Variants in PCDHGA1 observed in about 807,000 individuals in gnomAD.
PCDHGA1 encodes protocadherin gamma subfamily A, 1.
A neutral mutation model predicts 58.0 loss-of-function variants in PCDHGA1; 32 were observed. That is an observed-to-expected ratio of 0.55 (90% CI 0.42 to 0.74). The LOEUF (loss-of-function observed/expected upper bound fraction) is 0.74, where lower values mean the gene tolerates loss of function less well. Ranked by LOEUF, PCDHGA1 falls within the 30% of genes least tolerant of loss-of-function variation. The pLI is 0.00. For missense variants in PCDHGA1, 1,205 were observed against 1,182.3 expected, an observed-to-expected ratio of 1.02 and a Z score of -0.28; for synonymous variants, 498 against 501.1, an observed-to-expected ratio of 0.99 and a Z score of 0.08.
At chr5:141,355,660 C>T in intron 1 of PCDHGA1, 1 of 1,614,014 alleles carries the variant, frequency 6.2e-7, no homozygotes, top group Non-Finnish European at 8.5e-7. Flanking sequence ...AAGATTTCCT[C>T]TTCCTGAAGC....
chr5:141,338,220 C>T (rs2149719779), intron 1 of PCDHGA1, among the ~76,000 whole-genome samples: 1 of 152,262 alleles, frequency 6.6e-6, no homozygotes, highest in Admixed American at 6.5e-5. Context: ...CGCTTGAGAC[C>T]AGGGCCTGTG....
chr5:141,352,090 C>T (rs565782021), intron 1 of PCDHGA1: 12 of 1,605,188 alleles, frequency 7.5e-6, no homozygotes, highest in East Asian at 6.7e-5. Flanking sequence ...CCAGCGAGCC[C>T]GGGCTCTTCA....
intron 1 of PCDHGA1, chr5:141,421,202 C>G (rs1345590720): frequency 6.6e-7 from 1 of 1,519,226 alleles, no homozygotes; most frequent in Non-Finnish European, 8.8e-7. Flanking sequence ...CTCGAGAAAC[C>G]GCGGAATATC....
intron 1 of PCDHGA1, chr5:141,383,477 A>T: frequency 6.2e-7 from 1 of 1,613,722 alleles, no homozygotes; most frequent in Non-Finnish European, 8.5e-7. Context: ...AAGTACCCGG[A>T]ACTGGTGCTG....
chr5:141,418,804 T>A, intron 1 of PCDHGA1: 2 of 1,613,836 alleles, frequency 1.2e-6, no homozygotes, highest in Non-Finnish European at 1.7e-6. Flanking sequence ...TAGAAAGATA[T>A]ACGATAAACA....
At chr5:141,350,494 C>T (rs764659811) in intron 1 of PCDHGA1, 6 of 1,613,924 alleles carry the variant, frequency 3.7e-6, no homozygotes, top group Non-Finnish European at 5.1e-6. Context: ...GTTTGGAGAG[C>T]GGGGATTTGT....
At position 141,389,543 on chromosome 5, in the gene PCDHGA1, C is replaced by A. The variant is rs550025687; in HGVS notation, c.2421+56438C>A. 5.6e-6 allele frequency: 9 copies of A among 1,613,282 alleles called. No individual in the cohort carries two copies. In the East Asian group the frequency reaches 6.7e-5, roughly 12 times the overall value. ...GCCTGCGCGTGTTAGTGGACGACCG[C>A]AACGACAATGCGCCACGGGTGCTGT... On this transcript the variant is annotated intron_variant, in intron 1 of 3. Transcript: ENST00000517417.
At chr5:141,375,882 A>G in intron 1 of PCDHGA1, 1 of 1,613,814 alleles carries the variant, frequency 6.2e-7, no homozygotes, top group Non-Finnish European at 8.5e-7. Flanking sequence ...GACTCGGGCC[A>G]GAACGCCTGG....
At chr5:141,478,845 A>G in intron 1 of PCDHGA1, 2 of 1,389,784 alleles carry the variant, frequency 1.4e-6, no homozygotes, top group Non-Finnish European at 9.5e-7. Flanking sequence ...TGGTTAAGCT[A>G]AAACACAAGA....
chr5:141,423,782 C>A (rs1458189260), intron 1 of PCDHGA1: 2 of 1,243,328 alleles, frequency 1.6e-6, no homozygotes, highest in Non-Finnish European at 1.0e-6. Context: ...ATATTTAGTT[C>A]ATATATATTT....
chr5:141,394,405 T>C, intron 1 of PCDHGA1: 2 of 1,614,222 alleles, frequency 1.2e-6, no homozygotes, highest in Non-Finnish European at 1.7e-6. Context: ...CTGCAGCTAC[T>C]GGTAACAGCC....
At chr5:141,455,244 T>A (rs977940552) in intron 1 of PCDHGA1, among the ~76,000 whole-genome samples, 4 of 152,142 alleles carry the variant, frequency 2.6e-5, no homozygotes, top group Non-Finnish European at 4.4e-5. Flanking sequence ...TTAAAGGTCA[T>A]AGTACAATCG....
chr5:141,385,518 A>G, intron 1 of PCDHGA1: 20 of 1,366,294 alleles, frequency 1.5e-5, no homozygotes, highest in East Asian at 5.4e-5. Context: ...GTGAAAGCCT[A>G]TGGACAAGAT....
At chr5:141,409,786 C>A in intron 1 of PCDHGA1, 11 of 1,612,124 alleles carry the variant, frequency 6.8e-6, no homozygotes, top group Non-Finnish European at 9.3e-6. Flanking sequence ...TGCGCGCCTT[C>A]GCGCTCACGC....
Position 141,417,931 on chromosome 5 carries a change from G to C in PCDHGA1, c.2422-76876G>C, listed in dbSNP as rs551432799. The C allele has an allele frequency of 6.2e-6, 10 of 1,611,500 alleles. No homozygotes were observed. In the South Asian group the frequency reaches 9.9e-5, roughly 16 times the overall value. On this transcript the variant is annotated intron_variant, in intron 1 of 3. Transcript: ENST00000517417. ...TACTATTTCCTTTGCTGCTGCCTTT[G>C]TTCTACCCCACGCTGTGTGAGCCGA...
chr5:141,392,416 T>C (rs576614359), intron 1 of PCDHGA1: 1 of 157,618 alleles, frequency 6.3e-6, no homozygotes, highest in African/African-American at 2.4e-5. Flanking sequence ...AAAACCTTCA[T>C]CTCACATTCT....
chr5:141,432,539 G>A lies in PCDHGA1; in HGVS notation c.2422-62268G>A. 2.5e-6 allele frequency: 4 copies of A among 1,614,038 alleles called. No individual in the cohort carries two copies. Among genetic ancestry groups the A allele is most frequent in the Non-Finnish European group, 3.4e-6 (4 of 1,180,022 alleles). ...CTACCTGGTGACCAAGGTGGTGGCG[G>A]TGGACAGAGACTCCGGCCAGAACGC... On this transcript the variant is annotated intron_variant, in intron 1 of 3. Transcript: ENST00000517417. The surrounding 1 kb of genome is among the most constrained non-coding windows in gnomAD (Gnocchi z 6.0).
chr5:141,361,410 C>G (rs759239364), intron 1 of PCDHGA1: 5 of 1,614,054 alleles, frequency 3.1e-6, no homozygotes, highest in Non-Finnish European at 2.5e-6. Context: ...TCACAGCCAC[C>G]GACGGGGGCA....
intron 1 of PCDHGA1, among the ~76,000 whole-genome samples, chr5:141,353,692 T>C (rs1759355773): frequency 6.6e-6 from 1 of 152,252 alleles, no homozygotes. Context: ...TAAAGCGTTT[T>C]CCATACTTCT....
Sources: allele counts gnomAD v4.1 joint callset (sites outside exome capture counted in the v4.1 genomes callset), GRCh38; gene constraint gnomAD v4.1.1; non-coding constraint Gnocchi (gnomAD v3.1); transcripts MANE v1.5; gene names NCBI Gene and HGNC (gene_info 2026-07-23, HGNC 2026-07-21).